The following CLDN18 variants were observed in gnomAD, a reference collection of about 807,000 sequenced individuals.
CLDN18 encodes claudin-18.
In CLDN18, 20 loss-of-function variants were observed where a neutral mutation model predicts 25.0. The observed-to-expected ratio is 0.80, with a 90% CI of 0.56 to 1.16. The LOEUF (loss-of-function observed/expected upper bound fraction) is 1.16, where lower values mean the gene tolerates loss of function less well. Ranked by LOEUF, CLDN18 falls within the 50% of genes most tolerant of loss-of-function variation. CLDN18 has a pLI of 0.00. For missense variants in CLDN18, 297 were observed against 345.4 expected (o/e 0.86, Z 1.11); for synonymous variants, 125 against 135.6 (o/e 0.92, Z 0.54).
chr3:138,024,245 T>C (rs1942300939), intron 2 of CLDN18, among the ~76,000 whole-genome samples: 2 of 152,042 alleles, frequency 1.3e-5, no homozygotes, highest in African/African-American at 4.8e-5. Flanking sequence ...AAAAGAGTCA[T>C]GTGACTTGAT....
intron 1 of CLDN18, among the ~76,000 whole-genome samples, chr3:138,016,449 C>A (rs1289859144): frequency 6.6e-6 from 1 of 152,150 alleles, no homozygotes; most frequent in Non-Finnish European, 1.5e-5. Context: ...CATGGATGAC[C>A]TGCATCCCAT....
intron 1 of CLDN18, among the ~76,000 whole-genome samples, chr3:138,017,822 G>A (rs750559666): frequency 1.3e-4 from 20 of 152,328 alleles, no homozygotes; most frequent in African/African-American, 2.9e-4. Flanking sequence ...ATGTTTACAC[G>A]TTATTGTACA....
intron 1 of CLDN18, among the ~76,000 whole-genome samples, chr3:138,017,277 T>A (rs1436907480): frequency 6.6e-6 from 1 of 152,130 alleles, no homozygotes. Flanking sequence ...CCCATCCCCA[T>A]CCTACCCGTG....
intron 1 of CLDN18, among the ~76,000 whole-genome samples, chr3:138,014,391 T>A (rs1322137091): frequency 1.3e-5 from 2 of 152,040 alleles, no homozygotes; most frequent in Non-Finnish European, 1.5e-5. Context: ...ATTGGTAAGC[T>A]CTGTCGGTGG....
At chr3:138,011,087 C>T (rs2107879004) in intron 1 of CLDN18, among the ~76,000 whole-genome samples, 1 of 151,940 alleles carries the variant, frequency 6.6e-6, no homozygotes, top group African/African-American at 2.4e-5. Context: ...CCTTTCACCC[C>T]TAAAGATGAA....
intron 1 of CLDN18, among the ~76,000 whole-genome samples, chr3:138,004,463 T>G (rs1405305627): frequency 6.6e-6 from 1 of 151,018 alleles, no homozygotes; most frequent in East Asian, 1.9e-4. Context: ...AAACGAAAGT[T>G]TTTTTTTTTA....
rs1161238634 is a variant in CLDN18, at chr3:138,033,061, A to C, written c.*1920A>C. ...AGGAAAGTCCTCACATCAATAGTAC[A>C]TATGAAAGTGACCTCCAAGGGGATT... On this transcript the variant is annotated 3_prime_UTR_variant, in exon 5 of 5. Coordinates refer to ENST00000183605, the MANE Select transcript of CLDN18 (RefSeq NM_016369.4). 6.6e-6 allele frequency: 1 copy of C among 152,264 alleles called. No individual in the cohort carries two copies. The highest frequency in any genetic ancestry group is 2.4e-5 in the African/African-American group (1 of 41,460). 9.4% of individuals were successfully genotyped at this position (152,264 alleles called of 1,614,324 possible). A position where few individuals can be genotyped will look rare whatever the true frequency, so the allele number is the denominator to read the frequency against.
chr3:138,008,766 A>C (rs1942096118), upstream of CLDN18, among the ~76,000 whole-genome samples: 1 of 151,966 alleles, frequency 6.6e-6, no homozygotes, highest in Non-Finnish European at 1.5e-5. Flanking sequence ...TCTCTACTAA[A>C]AACATAAAAA....
At position 138,010,375 on chromosome 3, in the gene CLDN18, G is replaced by C; in HGVS notation, c.150G>C (p.Trp50Cys). 6.2e-6 allele frequency: 10 copies of C among 1,614,242 alleles called. No homozygotes were observed. Among genetic ancestry groups the C allele is most frequent in the Non-Finnish European group, 8.5e-6 (10 of 1,180,034 alleles). The change falls in exon 1 of 5, where the codon TGG becomes TGC. Residue 50 changes from tryptophan (W) to cysteine (C), a missense_variant. Trp to Cys is a radical substitution (Grantham distance 215). Transcript: ENST00000183605. Reference sequence around the variant, plus strand: ...CCGTGTTCCAGTACGAAGGGCTCTGGAGGAGCTGCGTGAGGCAGAGTTCAG... The same window carrying C: ...CCGTGTTCCAGTACGAAGGGCTCTGCAGGAGCTGCGTGAGGCAGAGTTCAG... ...VTSVFQYEGL[W>C]RSCVRQSSGF...
At chr3:138,015,627 G>A (rs1417409430) in intron 1 of CLDN18, among the ~76,000 whole-genome samples, 1 of 152,122 alleles carries the variant, frequency 6.6e-6, no homozygotes, top group African/African-American at 2.4e-5. Context: ...TAGAAATGCA[G>A]GAGGCTGAGA....
chr3:138,030,950 A>G lies in CLDN18; in HGVS notation c.615-20A>G, dbSNP rs1462973578. On this transcript the variant is annotated intron_variant, in intron 4 of 4. Transcript: ENST00000183605. ...CTAACAAAGACATCTACAATCATGG[A>G]ATGTTTATTTTTCTTTCAGCTACAA... The G allele has an allele frequency of 6.2e-7, 1 of 1,605,346 alleles. No individual in the cohort carries two copies. The highest frequency in any genetic ancestry group is 8.5e-7 in the Non-Finnish European group (1 of 1,174,126).
At chr3:138,006,062 A>G (rs948826464), upstream of CLDN18, among the ~76,000 whole-genome samples, 1 of 152,236 alleles carries the variant, frequency 6.6e-6, no homozygotes, top group Non-Finnish European at 1.5e-5. Context: ...ATGTAAAAAA[A>G]TACATACAGA....
At chr3:138,003,445 G>C (rs2107874356) in intron 1 of CLDN18, among the ~76,000 whole-genome samples, 1 of 152,232 alleles carries the variant, frequency 6.6e-6, no homozygotes, top group East Asian at 1.9e-4. Context: ...CCATCATCTT[G>C]GAAAATCACA....
intron 1 of CLDN18, among the ~76,000 whole-genome samples, chr3:138,015,275 T>C (rs927173169): frequency 2.0e-5 from 3 of 152,106 alleles, no homozygotes; most frequent in African/African-American, 4.8e-5. Context: ...ATGACACCTG[T>C]GGGGCTCCTA....
chr3:138,012,468 A>T (rs1208971403), intron 1 of CLDN18, among the ~76,000 whole-genome samples: 2 of 151,530 alleles, frequency 1.3e-5, no homozygotes, highest in Non-Finnish European at 2.9e-5. Context: ...GCAGTCTCTT[A>T]CTCCCCCATC....
At chr3:138,028,834 C>T (rs1022025583) in intron 3 of CLDN18, among the ~76,000 whole-genome samples, 1 of 152,130 alleles carries the variant, frequency 6.6e-6, no homozygotes, top group Non-Finnish European at 1.5e-5. Context: ...GGAGTCAGAC[C>T]ACCCCAAGTT....
Position 138,023,084 on chromosome 3 carries a change from T to C in CLDN18, c.221-574T>C, listed in dbSNP as rs142050822. Among the ~76,000 whole-genome samples, 6 of 152,372 alleles carry C rather than the reference T, an allele frequency of 3.9e-5. No individual in the cohort carries two copies. The East Asian group carries it at 9.6e-4, about 24-fold the overall frequency. On this transcript the variant is annotated intron_variant, in intron 1 of 4. Transcript: ENST00000183605. ...TACATCTGAAACCTACAGCTCACCA[T>C]AATCTTAGTAGTTCCTTCTGGAAAG...
chr3:138,028,907 G>A (rs899090456), intron 3 of CLDN18, among the ~76,000 whole-genome samples: 6 of 152,142 alleles, frequency 3.9e-5, no homozygotes, highest in East Asian at 1.9e-4. Flanking sequence ...TACCTTGTTC[G>A]CCCTGTGTCC....
exon 1 of CLDN18, chr3:137,999,073 C>G: frequency 6.2e-7 from 1 of 1,614,164 alleles, no homozygotes; most frequent in Non-Finnish European, 8.5e-7. Context: ...CTACTTCACC[C>G]TGCTGGGGCT....
Sources: gnomAD v4.1 joint callset for allele counts (sites outside exome capture counted in the v4.1 genomes callset) on GRCh38, gnomAD v4.1.1 for gene constraint, MANE v1.5 for transcripts, NCBI Gene and HGNC (gene_info 2026-07-23, HGNC 2026-07-21) for gene names.